USH2A: variants seen among roughly 807,000 people sequenced by gnomAD.
The protein encoded by USH2A is Usher syndrome 2A (autosomal recessive, mild).
In USH2A, 443 loss-of-function variants were observed where a neutral mutation model predicts 538.9. The ratio of observed to expected loss-of-function variants is 0.82; its 90% confidence interval spans 0.76 to 0.89. The LOEUF is 0.89. Among genes scored for constraint, USH2A ranks in the 40% least tolerant of loss-of-function variants. The pLI is 0.00. For missense variants in USH2A, 6,633 were observed against 6,324.8 expected, an observed-to-expected ratio of 1.05 and a Z score of -1.65; for synonymous variants, 2,413 against 2,273.5, an observed-to-expected ratio of 1.06 and a Z score of -1.75.
chr1:216,355,879 G>A (rs890879312), intron 4 of USH2A, among the ~76,000 whole-genome samples: 4 of 151,900 alleles, frequency 2.6e-5, no homozygotes, highest in Non-Finnish European at 5.9e-5. Flanking sequence ...AAGTATCACA[G>A]TCAATAAACT....
chr1:216,000,380 A>G, intron 33 of USH2A, 23 bp downstream of exon 33: 1 of 1,613,228 alleles, frequency 6.2e-7, no homozygotes, highest in African/African-American at 1.3e-5. Context: ...CCAGCATGTG[A>G]GAGAGACAAC....
At chr1:215,831,031 G>C (rs1226496316) in intron 47 of USH2A, among the ~76,000 whole-genome samples, 3 of 152,190 alleles carry the variant, frequency 2.0e-5, no homozygotes. Flanking sequence ...AAATCACCCA[G>C]AATTACACTA....
intron 11 of USH2A, among the ~76,000 whole-genome samples, chr1:216,288,099 A>T (rs2036921285): frequency 6.6e-6 from 1 of 152,040 alleles, no homozygotes; most frequent in Admixed American, 6.6e-5. Context: ...GTCAGCAAAG[A>T]TATCTCAAAA....
intron 44 of USH2A, 93 bp from the exon 45 acceptor site, chr1:215,846,126 A>G (rs1386466374): frequency 7.6e-7 from 1 of 1,307,830 alleles, no homozygotes; most frequent in Non-Finnish European, 1.1e-6. Flanking sequence ...ATGAGAAAAA[A>G]AGAAGTTTAG....
intron 21 of USH2A, among the ~76,000 whole-genome samples, chr1:216,128,894 T>TC (rs2102600628): frequency 6.6e-6 from 1 of 152,164 alleles, no homozygotes; most frequent in East Asian, 1.9e-4. Flanking sequence ...ACCGAACACT[T>TC]CTTTATCCCC....
At chr1:215,883,516 T>C (rs1664972277) in intron 41 of USH2A, among the ~76,000 whole-genome samples, 1 of 152,072 alleles carries the variant, frequency 6.6e-6, no homozygotes, top group Admixed American at 6.6e-5. Flanking sequence ...CCTTTTTTTC[T>C]AAGATTTTTA....
chr1:215,708,658 T>G (rs1659251492), intron 61 of USH2A, among the ~76,000 whole-genome samples: 1 of 152,074 alleles, frequency 6.6e-6, no homozygotes, highest in Non-Finnish European at 1.5e-5. Context: ...CATAATAGGG[T>G]TTGCTATGTG....
intron 49 of USH2A, among the ~76,000 whole-genome samples, chr1:215,803,142 A>G (rs1227333751): frequency 1.3e-5 from 2 of 152,132 alleles, no homozygotes; most frequent in East Asian, 3.9e-4. Flanking sequence ...TCAAAATAAT[A>G]AGAGCTATCT....
chr1:216,135,373 G>T, intron 21 of USH2A, among the ~76,000 whole-genome samples: 1 of 151,872 alleles, frequency 6.6e-6, no homozygotes, highest in Non-Finnish European at 1.5e-5. Context: ...ATAATATTTT[G>T]CATATTTCGG....
intron 9 of USH2A, among the ~76,000 whole-genome samples, chr1:216,316,128 T>G (rs991973865): frequency 2.0e-5 from 3 of 152,064 alleles, no homozygotes; most frequent in Non-Finnish European, 2.9e-5. Flanking sequence ...GAGTTCCTGG[T>G]CAAAGAGTGC....
chr1:216,060,243 A>G (rs2031130127), intron 30 of USH2A, among the ~76,000 whole-genome samples: 1 of 152,226 alleles, frequency 6.6e-6, no homozygotes, highest in Non-Finnish European at 1.5e-5. Context: ...CCAGATGTAC[A>G]GAATCATGTG....
rs74141550 is a variant in USH2A at position 216,295,121 on chromosome 1, A to G, written c.1645-2751T>C. Among the ~76,000 whole-genome samples, 697 of 151,932 alleles carry G rather than the reference A, an allele frequency of 4.6e-3. 6 individuals carry two copies. Among genetic ancestry groups the G allele is most frequent in the African/African-American group, 0.016 (666 of 41,560 alleles). ...ATGTCTATAATGTTGCAGCTTTTAT[A>G]GTATTGACTATTGATTTTACATAGA... On this transcript the variant is annotated intron_variant, in intron 9 of 71. Transcript: ENST00000307340.
At chr1:215,880,069 A>G (rs1183837082) in intron 41 of USH2A, among the ~76,000 whole-genome samples, 1 of 152,198 alleles carries the variant, frequency 6.6e-6, no homozygotes, top group Non-Finnish European at 1.5e-5. Context: ...GTTAGTAATT[A>G]GAGTCATGTT....
chr1:215,826,444 A>G (rs772935474), intron 47 of USH2A, among the ~76,000 whole-genome samples: 16 of 152,204 alleles, frequency 1.1e-4, no homozygotes, highest in Non-Finnish European at 2.2e-4. Flanking sequence ...AATAAAATTG[A>G]AAGGGAACAT....
At chr1:215,970,266 T>C (rs606653) in intron 36 of USH2A, among the ~76,000 whole-genome samples, 61,927 of 151,902 alleles carry the variant, frequency 0.41, 12,826 homozygotes, top group Middle Eastern at 0.45. Flanking sequence ...CAATTATTTT[T>C]ACTTCTTAAT....
chr1:216,058,815 GA>G (rs2031074596), intron 30 of USH2A, among the ~76,000 whole-genome samples: 1 of 152,154 alleles, frequency 6.6e-6, no homozygotes, highest in Non-Finnish European at 1.5e-5. Flanking sequence ...GTTAGTAGCA[GA>G]AAGCTACATT....
At chr1:215,816,903 G>C in intron 48 of USH2A, 94 bp downstream of exon 48, 1 of 1,321,482 alleles carries the variant, frequency 7.6e-7, no homozygotes, top group Non-Finnish European at 1.1e-6. Flanking sequence ...TGGAAATATT[G>C]ATCATAATAC....
intron 38 of USH2A, among the ~76,000 whole-genome samples, chr1:215,903,010 C>A (rs1665543133): frequency 6.6e-6 from 1 of 151,936 alleles, no homozygotes; most frequent in Non-Finnish European, 1.5e-5. Context: ...GAGAACCAAG[C>A]CCTGGAATCC....
intron 4 of USH2A, among the ~76,000 whole-genome samples, chr1:216,343,041 T>C (rs1474361188): frequency 6.6e-6 from 1 of 151,786 alleles, no homozygotes; most frequent in East Asian, 1.9e-4. Context: ...ACTCAATAAA[T>C]GGAAATAAAA....
Sources: allele counts gnomAD v4.1 joint callset (sites outside exome capture counted in the v4.1 genomes callset), GRCh38; gene constraint gnomAD v4.1.1; transcripts MANE v1.5; gene names NCBI Gene and HGNC (gene_info 2026-07-23, HGNC 2026-07-21).